NF1: variants seen among roughly 807,000 people sequenced by gnomAD.
NF1 encodes the protein neurofibromin.
Under a neutral mutation model 325.7 loss-of-function variants are expected in NF1, and 122 were observed. The observed-to-expected ratio is 0.37, with a 90% confidence interval of 0.32 to 0.44. The LOEUF (loss-of-function observed/expected upper bound fraction) is 0.44, where lower values mean the gene tolerates loss of function less well. Ranked by LOEUF, NF1 falls within the 20% of genes least tolerant of loss-of-function variation. The pLI is 1.00. For synonymous variants in NF1, 1,091 were observed against 1,186.0 expected, an observed-to-expected ratio of 0.92 and a Z score of 1.65; for missense variants, 2,140 against 3,415.4, an observed-to-expected ratio of 0.63 and a Z score of 9.31.
At chr17:31,302,665 C>A (rs1009416126) in intron 36 of NF1, among the ~76,000 whole-genome samples, 2 of 151,654 alleles carry the variant, frequency 1.3e-5, no homozygotes, top group African/African-American at 4.9e-5. Context: ...TATGGTGAAA[C>A]CCCATCTCTA....
chr17:31,282,148 C>T (rs908293084), intron 36 of NF1, among the ~76,000 whole-genome samples: 7 of 151,774 alleles, frequency 4.6e-5, no homozygotes, highest in Non-Finnish European at 2.9e-5. Context: ...TTTGGGAGGC[C>T]GAGGCAGGTG....
chr17:31,376,587 A>C lies in NF1; in HGVS notation c.*2432A>C, dbSNP rs1263571823. ...TACATGAGATAAACCTCTCACCACT[A>C]TGTGTCCCTTGAGAAATGCAACACT... On this transcript the variant is annotated 3_prime_UTR_variant, in exon 58 of 58. Transcript: ENST00000358273. The C allele has an allele frequency of 4.3e-6, 1 of 232,926 alleles. No individual in the cohort carries two copies. Among genetic ancestry groups the C allele is most frequent in the Non-Finnish European group, 8.5e-6 (1 of 117,902 alleles). The allele number at this position is 232,926 out of a possible 1,614,324, so 14.4% of individuals were successfully genotyped here.
chr17:31,113,209 T>G (rs1913578959), intron 1 of NF1, among the ~76,000 whole-genome samples: 1 of 152,184 alleles, frequency 6.6e-6, no homozygotes, highest in African/African-American at 2.4e-5. Flanking sequence ...AATTTTTGAT[T>G]GTTGCTAATA....
intron 1 of NF1, among the ~76,000 whole-genome samples, chr17:31,149,871 A>G (rs1916812051): frequency 6.6e-6 from 1 of 152,130 alleles, no homozygotes; most frequent in Admixed American, 6.5e-5. Flanking sequence ...GTAGGTTTGC[A>G]CCCAAGCATC....
chr17:31,253,949 C>A (rs1441249491), intron 31 of NF1: 1 of 151,934 alleles, frequency 6.6e-6, no homozygotes, highest in South Asian at 2.1e-4. Context: ...ATCTTTCATG[C>A]CTTATCTAAA....
chr17:31,292,188 C>T (rs568331695), intron 36 of NF1, among the ~76,000 whole-genome samples: 99 of 152,106 alleles, frequency 6.5e-4, no homozygotes, highest in African/African-American at 2.3e-3. Context: ...TAGAGCCAAG[C>T]CTTAGAGATG....
chr17:31,351,891 AGTTAGT>A (rs2070155920), intron 50 of NF1, among the ~76,000 whole-genome samples: 1 of 150,158 alleles, frequency 6.7e-6, no homozygotes, highest in Admixed American at 6.6e-5. Flanking sequence ...CATCAACTGT[AGTTAGT>A]GTTAGTGTAT....
chr17:31,209,758 A>G (rs1324734181), intron 12 of NF1, among the ~76,000 whole-genome samples: 1 of 151,968 alleles, frequency 6.6e-6, no homozygotes, highest in Non-Finnish European at 1.5e-5. Flanking sequence ...GGTTCAAGTG[A>G]TCTCCTGCTT....
intron 21 of NF1, 148 bp downstream of exon 21, chr17:31,229,613 G>C: frequency 9.5e-7 from 1 of 1,057,394 alleles, no homozygotes; most frequent in Non-Finnish European, 1.4e-6. Flanking sequence ...TCTCAATGTA[G>C]GGGTCAGCTT....
chr17:31,245,000 AG>A (rs2067367149), intron 29 of NF1, among the ~76,000 whole-genome samples: 2 of 152,330 alleles, frequency 1.3e-5, no homozygotes, highest in South Asian at 2.1e-4. Flanking sequence ...GTTCAGAATT[AG>A]TAGAATATTC....
At chr17:31,370,788 C>A (rs1249451865) in intron 57 of NF1, among the ~76,000 whole-genome samples, 5 of 152,148 alleles carry the variant, frequency 3.3e-5, no homozygotes, top group African/African-American at 1.2e-4. Context: ...AGTCACAGGG[C>A]CTTCCTAGTG....
In NF1 at chr17:31,374,518, G is replaced by A. The variant is rs1264381351; in HGVS notation, c.*363G>A. Reference sequence around the variant, plus strand: ...CAGTGATGAAAGCCATTTGCACAGAGCTCTGCCTTCTGTGGTTTTCCCTTC... The same window carrying A: ...CAGTGATGAAAGCCATTTGCACAGAACTCTGCCTTCTGTGGTTTTCCCTTC... On this transcript the variant is annotated 3_prime_UTR_variant, in exon 58 of 58. Coordinates refer to ENST00000358273, the MANE Select transcript of NF1 (RefSeq NM_001042492.3). 2.4e-6 allele frequency: 1 copy of A among 415,106 alleles called. No homozygotes were observed. Among genetic ancestry groups the A allele is most frequent in the African/African-American group, 2.0e-5 (1 of 50,352 alleles). 25.7% of individuals were successfully genotyped at this position (415,106 alleles called of 1,614,324 possible).
Position 31,095,173 on chromosome 17 carries a change from T to A in NF1, c.-137T>A. On this transcript the variant is annotated 5_prime_UTR_variant, in exon 1 of 58. Coordinates refer to ENST00000358273, the MANE Select transcript of NF1 (RefSeq NM_001042492.3). ...CGCTGACCCCCCATCCCCACCCCCG[T>A]GGGAACACTGGGAGCCTGCACTCCA... 1 of 610,176 alleles carries A rather than the reference T, an allele frequency of 1.6e-6. No individual in the cohort carries two copies. Among genetic ancestry groups the A allele is most frequent in the Non-Finnish European group, 2.9e-6 (1 of 346,164 alleles). 37.8% of individuals were successfully genotyped at this position (610,176 alleles called of 1,614,324 possible).
At position 31,305,334 on chromosome 17, in the gene NF1, T is replaced by C. The variant is rs201399165; in HGVS notation, c.4836-20486T>C. The stretch of plus-strand genomic sequence containing the variant: ...GTTGTCCAGCAGAAGTATGTGCTTC[T>C]GGTTTTTCAGAAGAGGTATAGACAG... On this transcript the variant is annotated intron_variant, in intron 36 of 57. Coordinates refer to ENST00000358273, the MANE Select transcript of NF1 (RefSeq NM_001042492.3). The C allele has an allele frequency of 4.0e-4, 650 of 1,614,180 alleles. 12 individuals carry two copies. The highest frequency in any genetic ancestry group is 3.4e-3 in the South Asian group (311 of 91,086).
At chr17:31,213,918 T>C (rs2066774230) in intron 12 of NF1, among the ~76,000 whole-genome samples, 1 of 152,188 alleles carries the variant, frequency 6.6e-6, no homozygotes. Context: ...TACTCTTCTC[T>C]AAAATTGGGA....
At chr17:31,291,712 G>A (rs1240492526) in intron 36 of NF1, among the ~76,000 whole-genome samples, 3 of 152,174 alleles carry the variant, frequency 2.0e-5, no homozygotes. Context: ...GGAAGATATT[G>A]AATAGCACAT....
chr17:31,124,218 T>C (rs892404045), intron 1 of NF1, among the ~76,000 whole-genome samples: 5 of 152,052 alleles, frequency 3.3e-5, no homozygotes, highest in Admixed American at 3.3e-4. Flanking sequence ...CTTTTTTAAA[T>C]TTTATTTTTT....
intron 13 of NF1, among the ~76,000 whole-genome samples, chr17:31,218,719 A>C (rs1042018275): frequency 6.6e-6 from 1 of 151,946 alleles, no homozygotes; most frequent in Admixed American, 6.6e-5. Flanking sequence ...CCACAGGCGC[A>C]TGCCACCACG....
At chr17:31,274,556 C>T (rs921296177) in intron 36 of NF1, among the ~76,000 whole-genome samples, 1 of 152,068 alleles carries the variant, frequency 6.6e-6, no homozygotes, top group Non-Finnish European at 1.5e-5. Context: ...AATAACTTCA[C>T]TTAACTGGAG....
Sources: allele counts gnomAD v4.1 joint callset (sites outside exome capture counted in the v4.1 genomes callset), GRCh38; gene constraint gnomAD v4.1.1; transcripts MANE v1.5; gene names NCBI Gene and HGNC (gene_info 2026-07-23, HGNC 2026-07-21).